The following ARHGEF4 variants were observed in gnomAD, a reference collection of about 807,000 sequenced individuals.
ARHGEF4 encodes the protein Rho guanine nucleotide exchange factor 4.
A neutral mutation model predicts 162.0 loss-of-function variants in ARHGEF4; 119 were observed. The observed-to-expected ratio is 0.73, with a 90% CI of 0.63 to 0.86. The LOEUF (loss-of-function observed/expected upper bound fraction) is 0.86. Among genes scored for constraint, ARHGEF4 ranks in the 40% least tolerant of loss-of-function variants. The pLI is 0.00. For synonymous variants in ARHGEF4, 1,014 were observed against 979.9 expected, an observed-to-expected ratio of 1.03 and a Z score of -0.65; for missense variants, 2,488 against 2,456.0, an observed-to-expected ratio of 1.01 and a Z score of -0.28.
chr2:130,944,681 G>T (rs1429520107), intron 3 of ARHGEF4, among the ~76,000 whole-genome samples: 2 of 151,822 alleles, frequency 1.3e-5, no homozygotes, highest in East Asian at 3.9e-4. Context: ...ACTTCTTAGA[G>T]CATGGTGATA....
intron 4 of ARHGEF4, chr2:131,011,664 G>A (rs13023338): frequency 0.79 from 1,217,468 of 1,534,628 alleles, 497,074 homozygotes; most frequent in Non-Finnish European, 0.85. Flanking sequence ...AGAGCCCATC[G>A]GAGCTGATGG....
At chr2:131,035,789 G>C in intron 5 of ARHGEF4, 1 of 985,460 alleles carries the variant, frequency 1.0e-6, no homozygotes. Flanking sequence ...CCCCACCCCT[G>C]CTGCACAAAC....
At chr2:130,875,800 G>T (rs143041979) in intron 1 of ARHGEF4, among the ~76,000 whole-genome samples, 3 of 152,012 alleles carry the variant, frequency 2.0e-5, no homozygotes, top group Non-Finnish European at 4.4e-5. Flanking sequence ...TCTCCCTCCC[G>T]GCTCCCACAC....
At chr2:131,008,569 T>C (rs1688268745) in intron 4 of ARHGEF4, among the ~76,000 whole-genome samples, 1 of 152,198 alleles carries the variant, frequency 6.6e-6, no homozygotes, top group Non-Finnish European at 1.5e-5. Flanking sequence ...GTCATTTTCC[T>C]CTTTTTTTGT....
chr2:130,931,430 G>A (rs1028075274), intron 3 of ARHGEF4, among the ~76,000 whole-genome samples, 173 bp downstream of exon 3: 1 of 152,116 alleles, frequency 6.6e-6, no homozygotes, highest in Non-Finnish European at 1.5e-5. Flanking sequence ...GCAGTCGAGG[G>A]CCTGCAAGAG....
At chr2:130,846,507 C>G (rs1300444012) in intron 1 of ARHGEF4, among the ~76,000 whole-genome samples, 3 of 152,196 alleles carry the variant, frequency 2.0e-5, no homozygotes, top group African/African-American at 7.2e-5. Flanking sequence ...CAGGAACCTG[C>G]CTGCGGGGGC....
At chr2:130,898,561 G>A (rs187861660) in intron 1 of ARHGEF4, among the ~76,000 whole-genome samples, 8 of 152,280 alleles carry the variant, frequency 5.3e-5, no homozygotes, top group Non-Finnish European at 7.4e-5. Context: ...GCTTCCTGAG[G>A]CAGCAGCACT....
chr2:130,980,383 A>G (rs894294473), intron 4 of ARHGEF4, among the ~76,000 whole-genome samples: 9 of 92,008 alleles, frequency 9.8e-5, no homozygotes, highest in African/African-American at 3.0e-4. Context: ...GAGTATGACC[A>G]TGTCTCAAAA....
intron 1 of ARHGEF4, among the ~76,000 whole-genome samples, chr2:130,897,026 G>C (rs560397099): frequency 3.3e-5 from 5 of 152,182 alleles, no homozygotes; most frequent in African/African-American, 1.2e-4. Flanking sequence ...TAGTTCCTGC[G>C]AGGTTCAGTG....
At chr2:130,877,999 G>A (rs1255406588) in intron 1 of ARHGEF4, among the ~76,000 whole-genome samples, 2 of 152,084 alleles carry the variant, frequency 1.3e-5, no homozygotes, top group African/African-American at 4.8e-5. Context: ...CCCTGTGCTT[G>A]GTACTATGGA....
At chr2:130,857,076 C>A (rs1490637842) in intron 1 of ARHGEF4, among the ~76,000 whole-genome samples, 1 of 151,754 alleles carries the variant, frequency 6.6e-6, no homozygotes, top group African/African-American at 2.4e-5. Flanking sequence ...AATAATAATA[C>A]AAAAAATTAG....
At chr2:130,840,050 A>G (rs1680497530) in intron 1 of ARHGEF4, among the ~76,000 whole-genome samples, 1 of 152,126 alleles carries the variant, frequency 6.6e-6, no homozygotes, top group South Asian at 2.1e-4. Context: ...GTGCCCCATG[A>G]CAGGGAAGCC....
chr2:130,906,068 TG>T (rs1480851113), intron 1 of ARHGEF4, among the ~76,000 whole-genome samples: 2 of 152,260 alleles, frequency 1.3e-5, no homozygotes, highest in Admixed American at 6.5e-5. Context: ...TCTTTTCAGT[TG>T]GCTTCTGTGC....
At chr2:130,984,599 G>T (rs1686349667) in intron 4 of ARHGEF4, among the ~76,000 whole-genome samples, 1 of 150,778 alleles carries the variant, frequency 6.6e-6, no homozygotes, top group Admixed American at 6.6e-5. Context: ...TGAGGCAGGA[G>T]AATCGCTTGA....
chr2:130,942,223 C>G (rs1321990894), intron 3 of ARHGEF4, among the ~76,000 whole-genome samples: 4 of 145,144 alleles, frequency 2.8e-5, no homozygotes, highest in African/African-American at 1.0e-4. Context: ...GATACCAGCT[C>G]ATTGCAACCT....
rs767872391 is a variant in ARHGEF4, at chr2:131,046,166, C to T, written c.5608C>T (p.Arg1870Trp). 5.6e-6 allele frequency: 9 copies of T among 1,612,408 alleles called. No homozygotes were observed. The highest frequency in any genetic ancestry group is 1.7e-5 in the Admixed American group (1 of 59,944). ...ATCTACCTTCTGGCACAGCATCAGC[C>T]GGCTGGCACCCTTCCGCAAGTGAAC... Reference protein sequence around the residue: ...KPSTFWHSISRLAPFRK With the variant: ...KPSTFWHSISWLAPFRK The change falls in exon 14 of 14, where the codon CGG becomes TGG. Residue 1870 changes from arginine (R) to tryptophan (W), a missense_variant. By Grantham distance (101) the Arg-to-Trp change is moderately radical. Coordinates refer to ENST00000409359, the MANE Select transcript of ARHGEF4 (RefSeq NM_001367493.1).
chr2:130,932,429 G>A (rs564831908), intron 3 of ARHGEF4, among the ~76,000 whole-genome samples: 15 of 152,214 alleles, frequency 9.9e-5, no homozygotes, highest in African/African-American at 3.6e-4. Context: ...GGCTGGTCTC[G>A]AACTCCTGGC....
chr2:130,984,063 C>T (rs1686303555), intron 4 of ARHGEF4, among the ~76,000 whole-genome samples: 1 of 152,200 alleles, frequency 6.6e-6, no homozygotes. Context: ...ATAGCTTTTA[C>T]CTTAGAGCTC....
rs763640681 is a variant in ARHGEF4 at position 131,046,139 on chromosome 2, C to T, written c.5581C>T (p.Pro1861Ser). The T allele has an allele frequency of 1.9e-6, 3 of 1,613,046 alleles. No homozygotes were observed. In the South Asian group the frequency reaches 3.3e-5, roughly 18 times the overall value. Reference protein sequence around the residue: ...VLVLAEPRRKPSTFWHSISRL... With the variant: ...VLVLAEPRRKSSTFWHSISRL... The stretch of plus-strand genomic sequence containing the variant: ...GGTGCTGGCGGAGCCCAGGCGCAAG[C>T]CATCTACCTTCTGGCACAGCATCAG... The change falls in exon 14 of 14, where the codon CCA becomes TCA. Residue 1861 changes from proline to serine, a missense_variant. Physicochemically the swap from Pro to Ser is moderately conservative, Grantham distance 74. This residue lies in a region of ARHGEF4 where 415 missense variants were observed against 512.4 expected (regional missense o/e 0.81). Transcript: ENST00000409359.
Sources: gnomAD v4.1 joint callset for allele counts (sites outside exome capture counted in the v4.1 genomes callset) on GRCh38, gnomAD v4.1.1 for gene constraint, gnomAD v4.1.1 regional missense constraint, MANE v1.5 for transcripts, NCBI Gene and HGNC (gene_info 2026-07-23, HGNC 2026-07-21) for gene names.